The following TFEC variants were observed in gnomAD, a reference collection of about 807,000 sequenced individuals.
The protein encoded by TFEC is class E basic helix-loop-helix protein 34.
A neutral mutation model predicts 41.6 loss-of-function variants in TFEC; 31 were observed. The observed-to-expected ratio is 0.74, with a 90% CI of 0.56 to 1.01. TFEC has a LOEUF of 1.01. Ranked by LOEUF, TFEC falls within the 50% of genes least tolerant of loss-of-function variation. The pLI is 0.00. For synonymous variants in TFEC, 143 were observed against 140.6 expected, an observed-to-expected ratio of 1.02 and a Z score of -0.12; for missense variants, 402 against 404.1, an observed-to-expected ratio of 0.99 and a Z score of 0.04.
intron 1 of TFEC, among the ~76,000 whole-genome samples, chr7:115,991,002 A>G (rs1794084057): frequency 6.6e-6 from 1 of 152,214 alleles, no homozygotes; most frequent in African/African-American, 2.4e-5. Context: ...TTACCCACAA[A>G]GGGAAGCCCA....
chr7:116,060,093 A>T (rs952875423), intron 3 of TFEC, among the ~76,000 whole-genome samples: 10 of 152,116 alleles, frequency 6.6e-5, no homozygotes, highest in South Asian at 6.2e-4. Flanking sequence ...TAACTTCCAG[A>T]ATCATCAAGT....
Position 115,998,145 on chromosome 7 carries a change from C to A in TFEC, c.-72-13632G>T, listed in dbSNP as rs147854103. 3.4e-4 allele frequency among the ~76,000 whole-genome samples: 52 copies of A among 151,902 alleles called. 1 individual carries two copies. In the East Asian group the frequency reaches 9.1e-3, roughly 27 times the overall value. ...AATAGATCTAACTCAAAGAAGGCTA[C>A]CTTAAGACATTTAATAATCAAACAC... On this transcript the variant is annotated intron_variant, in intron 1 of 7. Transcript: ENST00000265440.
At chr7:116,044,033 A>G (rs1796101686) in intron 3 of TFEC, among the ~76,000 whole-genome samples, 1 of 152,210 alleles carries the variant, frequency 6.6e-6, no homozygotes, top group Non-Finnish European at 1.5e-5. Context: ...TTTTCTCAAA[A>G]ATAAGAAAGT....
chr7:115,964,850 A>C (rs1018086892), intron 3 of TFEC, among the ~76,000 whole-genome samples: 16 of 151,734 alleles, frequency 1.1e-4, no homozygotes, highest in African/African-American at 3.6e-4. Flanking sequence ...TATAGTATTA[A>C]GAGAAAACAT....
chr7:116,087,789 T>C (rs1797234968), intron 3 of TFEC, among the ~76,000 whole-genome samples: 1 of 152,062 alleles, frequency 6.6e-6, no homozygotes, highest in South Asian at 2.1e-4. Flanking sequence ...TGTAATTAAA[T>C]AGCTCCAGCA....
intron 6 of TFEC, among the ~76,000 whole-genome samples, chr7:115,946,302 T>C (rs959523761): frequency 1.2e-4 from 18 of 151,148 alleles, no homozygotes; most frequent in African/African-American, 4.4e-4. Context: ...AGGACAAATA[T>C]TGCATTCCCT....
chr7:116,063,079 T>G (rs1305124844), intron 3 of TFEC, among the ~76,000 whole-genome samples: 3 of 152,180 alleles, frequency 2.0e-5, no homozygotes, highest in African/African-American at 7.2e-5. Flanking sequence ...TACAAGAGAA[T>G]ACTACTCAGC....
chr7:115,963,692 A>C (rs1792689601), intron 3 of TFEC, among the ~76,000 whole-genome samples: 1 of 151,744 alleles, frequency 6.6e-6, no homozygotes. Context: ...TTTTACTTAT[A>C]TGAGGTACCT....
At chr7:115,946,913 T>C (rs917449207) in intron 6 of TFEC, among the ~76,000 whole-genome samples, 5 of 150,538 alleles carry the variant, frequency 3.3e-5, no homozygotes, top group African/African-American at 9.7e-5. Context: ...AAGTTCTCAG[T>C]TTTTTTTTAA....
intron 1 of TFEC, among the ~76,000 whole-genome samples, chr7:116,009,877 G>A (rs1794934723): frequency 6.6e-6 from 1 of 152,138 alleles, no homozygotes; most frequent in Non-Finnish European, 1.5e-5. Context: ...ACTATAAATG[G>A]TTAAGTGCTA....
At chr7:116,022,561 T>A (rs1280559967) in intron 1 of TFEC, among the ~76,000 whole-genome samples, 2 of 152,174 alleles carry the variant, frequency 1.3e-5, no homozygotes, top group South Asian at 4.1e-4. Flanking sequence ...GTTATTTTGA[T>A]TACTAAGTGA....
chr7:115,997,289 G>A (rs1482149116), intron 1 of TFEC, among the ~76,000 whole-genome samples: 3 of 152,166 alleles, frequency 2.0e-5, no homozygotes, highest in African/African-American at 4.8e-5. Context: ...ACAAGAGTCC[G>A]TGCCAGACAA....
intron 3 of TFEC, among the ~76,000 whole-genome samples, chr7:115,964,623 A>G (rs1792748880): frequency 6.6e-6 from 1 of 151,614 alleles, no homozygotes; most frequent in Non-Finnish European, 1.5e-5. Context: ...ATAAAAGTTA[A>G]TCCCATTTAT....
intron 5 of TFEC, 84 bp from the exon 6 acceptor site, chr7:115,951,033 T>A (rs1302019503): frequency 1.6e-5 from 12 of 754,548 alleles, no homozygotes; most frequent in Non-Finnish European, 2.2e-5. Flanking sequence ...AACAATCTTT[T>A]AAAAACAATG....
chr7:116,005,207 A>T (rs1333324933), intron 1 of TFEC, among the ~76,000 whole-genome samples: 1 of 152,244 alleles, frequency 6.6e-6, no homozygotes, highest in Non-Finnish European at 1.5e-5. Context: ...ACTGCTGAAA[A>T]GATACCCAAA....
intron 1 of TFEC, among the ~76,000 whole-genome samples, chr7:116,026,829 C>T (rs1185218791): frequency 1.3e-5 from 2 of 152,160 alleles, no homozygotes; most frequent in Non-Finnish European, 2.9e-5. Flanking sequence ...AAGAGCAGAT[C>T]ATCCATCACA....
intron 1 of TFEC, among the ~76,000 whole-genome samples, chr7:115,999,943 G>A (rs1358089388): frequency 6.6e-6 from 1 of 151,300 alleles, no homozygotes; most frequent in Non-Finnish European, 1.5e-5. Flanking sequence ...AATAAAGGAG[G>A]AGGGAAAACT....
chr7:115,947,410 T>C (rs1024411213), intron 6 of TFEC, among the ~76,000 whole-genome samples: 72 of 151,370 alleles, frequency 4.8e-4, no homozygotes, highest in African/African-American at 1.6e-3. Context: ...AGCAGCATGA[T>C]TTATAGTCCT....
chr7:115,984,042 A>G (rs1357624613), intron 2 of TFEC, among the ~76,000 whole-genome samples: 1 of 152,186 alleles, frequency 6.6e-6, no homozygotes, highest in Non-Finnish European at 1.5e-5. Context: ...TCACATTAAT[A>G]CATATTTGAA....
Sources: gnomAD v4.1 joint callset for allele counts (sites outside exome capture counted in the v4.1 genomes callset) on GRCh38, gnomAD v4.1.1 for gene constraint, MANE v1.5 for transcripts, NCBI Gene and HGNC (gene_info 2026-07-23, HGNC 2026-07-21) for gene names.